The following HOMEZ variants were observed in gnomAD, a reference collection of about 807,000 sequenced individuals.
HOMEZ encodes homeobox and leucine zipper protein Homez.
Under a neutral mutation model 50.1 loss-of-function variants are expected in HOMEZ, and 20 were observed. The ratio of observed to expected loss-of-function variants is 0.40; its 90% CI spans 0.28 to 0.58. HOMEZ has a LOEUF of 0.58. Among genes scored for constraint, HOMEZ ranks in the 20% least tolerant of loss-of-function variants. The probability of loss-of-function intolerance (pLI) is 0.46; values close to 1 mark genes in which losing one functional copy is unlikely to be tolerated. For synonymous variants in HOMEZ, 239 were observed against 254.7 expected, an observed-to-expected ratio of 0.94 and a Z score of 0.59; for missense variants, 579 against 680.5, an observed-to-expected ratio of 0.85 and a Z score of 1.66.
In HOMEZ at chr14:23,272,577, G is replaced by C; in HGVS notation, c.*2998C>G. 2.0e-6 allele frequency: 1 copy of C among 504,118 alleles called. No homozygotes were observed. The highest frequency in any genetic ancestry group is 3.5e-6 in the Non-Finnish European group (1 of 282,878). 31.2% of individuals were successfully genotyped at this position (504,118 alleles called of 1,614,324 possible). A position where few individuals can be genotyped will look rare whatever the true frequency, so the allele number is the denominator to read the frequency against. On this transcript the variant is annotated 3_prime_UTR_variant, in exon 2 of 2. Coordinates refer to ENST00000357460, the MANE Select transcript of HOMEZ (RefSeq NM_020834.3). ...CATATGTCCCAGATTTTCCAAAATA[G>C]TTTAATTTTCAAATATTCATCCTTA...
At chr14:23,280,783 A>C (rs188425511) in intron 1 of HOMEZ, among the ~76,000 whole-genome samples, 51 of 104,308 alleles carry the variant, frequency 4.9e-4, no homozygotes, top group Non-Finnish European at 8.1e-4. Flanking sequence ...ATTTTATTTT[A>C]TTTTATTTGG....
At position 23,276,785 on chromosome 14, in the gene HOMEZ, G is replaced by A; in HGVS notation, c.443C>T (p.Pro148Leu). ...TGGAGGAGGAGGCACCTCCTCTGGG[G>A]GCCGTCCCGCATGATGAGTAAAAGA... ...LLSFTHHAGR[P>L]PEEVPPPPVP... The change falls in exon 2 of 2, where the codon CCC becomes CTC. Residue 148 changes from proline (P) to leucine (L), a missense_variant. Pro to Leu is a moderately conservative substitution (Grantham distance 98, BLOSUM62 -3). Transcript: ENST00000357460. This position sits in a 1 kb window ranked among gnomAD's most constrained non-coding sequence, Gnocchi z 4.1. The A allele has an allele frequency of 6.2e-7, 1 of 1,614,040 alleles. No homozygotes were observed. The highest frequency in any genetic ancestry group is 1.1e-5 in the South Asian group (1 of 91,084).
chr14:23,285,050 C>G (rs889824322), intron 1 of HOMEZ: 2 of 152,188 alleles, frequency 1.3e-5, no homozygotes, highest in African/African-American at 4.8e-5. Flanking sequence ...ATTGGGAACT[C>G]TGAACAGCAG....
chr14:23,279,540 T>C (rs1348746629), intron 1 of HOMEZ, among the ~76,000 whole-genome samples: 1 of 152,136 alleles, frequency 6.6e-6, no homozygotes, highest in Non-Finnish European at 1.5e-5. Flanking sequence ...GCAGAGCAGG[T>C]AATCGGAATG....
chr14:23,275,668 CTCCTCT>C lies in HOMEZ; in HGVS notation c.1554_1559del (p.Glu522_Glu523del), dbSNP rs1479690526. The C allele has an allele frequency of 3.2e-6, 5 of 1,578,254 alleles. No individual in the cohort carries two copies. The Admixed American group carries it at 7.5e-5, about 24-fold the overall frequency. ...CATCATCTTCTGGCAGTTCTTCCTC[CTCCTCT>C]TCCTCTTCTTCATCTAGACAAACTA... On this transcript the variant is annotated inframe_deletion, in exon 2 of 2. Coordinates refer to ENST00000357460, the MANE Select transcript of HOMEZ (RefSeq NM_020834.3).
chr14:23,283,130 G>A (rs1210661700), intron 1 of HOMEZ, among the ~76,000 whole-genome samples: 2 of 152,204 alleles, frequency 1.3e-5, no homozygotes, highest in Admixed American at 6.5e-5. Context: ...GAGTCCTAGC[G>A]CAGAGGAGGT....
In HOMEZ at chr14:23,286,079, G is replaced by A. The variant is rs1886659283; in HGVS notation, c.-127C>T. The A allele has an allele frequency of 8.1e-7, 1 of 1,230,660 alleles. No individual in the cohort carries two copies. Among genetic ancestry groups the A allele is most frequent in the South Asian group, 4.1e-5 (1 of 24,250 alleles). The allele number at this position is 1,230,660 out of a possible 1,614,324, so 76.2% of individuals were successfully genotyped here. ...CGGGACTGCCCCCCCCACCGTCCCC[G>A]GGAGCGCGCCGGTCTACCCAGCCCT... On this transcript the variant is annotated 5_prime_UTR_variant, in exon 1 of 2. Coordinates refer to ENST00000357460, the MANE Select transcript of HOMEZ (RefSeq NM_020834.3).
rs17128343 is a variant in HOMEZ at position 23,275,343 on chromosome 14, C to A, written c.*232G>T. On this transcript the variant is annotated 3_prime_UTR_variant, in exon 2 of 2. Transcript: ENST00000357460. ...TCCCCAGATCCTTAGCACTCCCTAC[C>A]CTAAGGTTAGAGGGTTGGATTTCTG... 11,644 of 555,682 alleles carry A rather than the reference C, an allele frequency of 0.021. 966 individuals are homozygous for A. Among genetic ancestry groups the A allele is most frequent in the African/African-American group, 0.19 (9,769 of 51,936 alleles). 34.4% of individuals were successfully genotyped at this position (555,682 alleles called of 1,614,324 possible). A position where few individuals can be genotyped will look rare whatever the true frequency, so the allele number is the denominator to read the frequency against.
intron 1 of HOMEZ, among the ~76,000 whole-genome samples, chr14:23,280,725 AT>A (rs1268590273): frequency 5.7e-4 from 39 of 68,688 alleles, no homozygotes; most frequent in African/African-American, 1.3e-3. Flanking sequence ...ATTTTATTTT[AT>A]TTTATTTTAT....
intron 1 of HOMEZ, among the ~76,000 whole-genome samples, chr14:23,282,716 T>C (rs965104141): frequency 6.6e-6 from 1 of 152,244 alleles, no homozygotes; most frequent in Non-Finnish European, 1.5e-5. Flanking sequence ...TTTATAAGTA[T>C]TAAAAGCTGT....
chr14:23,276,086 G>A lies in HOMEZ; in HGVS notation c.1142C>T (p.Ala381Val), dbSNP rs1689413502. Residue 381 changes from alanine to valine, a missense_variant, in exon 2 of 2, where the codon GCA becomes GTA. Transcript: ENST00000357460. This position sits in a 1 kb window ranked among gnomAD's most constrained non-coding sequence, Gnocchi z 4.1. ...TAACTTTTGGTAATCCTCACGCCGT[G>A]CCCACTGGCACTGTAAAAAAAAGGA... ...LKSFFLQCQWARREDYQKLEQ... is the reference protein window; with the variant it reads ...LKSFFLQCQWVRREDYQKLEQ... 1.2e-6 allele frequency: 2 copies of A among 1,614,004 alleles called. No individual in the cohort carries two copies. The highest frequency in any genetic ancestry group is 1.7e-6 in the Non-Finnish European group (2 of 1,179,888).
In HOMEZ at chr14:23,280,759, T is replaced by TTTTA. The variant is rs1491189999; in HGVS notation, c.41-3576_41-3573dup. On this transcript the variant is annotated intron_variant, in intron 1 of 1. Transcript: ENST00000357460. ...TATTTTATTATTTTATTTTATTTTA[T>TTTTA]TTTATTTTATTTTATTTTATTTTAT... 3.6e-3 allele frequency among the ~76,000 whole-genome samples: 324 copies of TTTTA among 89,780 alleles called. 17 individuals are homozygous for TTTTA. The South Asian group carries it at 0.053, about 15-fold the overall frequency. The allele number at this position is 89,780 out of a possible 152,430, so 58.9% of individuals were successfully genotyped here.
At position 23,276,658 on chromosome 14, in the gene HOMEZ, C is replaced by A; in HGVS notation, c.570G>T (p.Gln190His). ...GLKVEPEEPSQMPPLPQSHQK... is the reference protein window; with the variant it reads ...GLKVEPEEPSHMPPLPQSHQK... ...GGTGACTCTGTGGCAGTGGTGGCAT[C>A]TGAGAGGGCTCCTCAGGCTCTACCT... is the stretch of plus-strand genomic sequence containing the variant. Residue 190 changes from glutamine (Q) to histidine (H), a missense_variant, in exon 2 of 2, where the codon CAG becomes CAT. Transcript: ENST00000357460. The surrounding 1 kb of genome is among the most constrained non-coding windows in gnomAD (Gnocchi z 4.1). 1 of 1,614,040 alleles carries A rather than the reference C, an allele frequency of 6.2e-7. No homozygotes were observed. Among genetic ancestry groups the A allele is most frequent in the South Asian group, 1.1e-5 (1 of 91,090 alleles).
In HOMEZ at chr14:23,273,464, T is replaced by G. The variant is rs1004067718; in HGVS notation, c.*2111A>C. On this transcript the variant is annotated 3_prime_UTR_variant, in exon 2 of 2. Transcript: ENST00000357460. ...AGATAGTAAAATAAAGACGATGCCC[T>G]TTTATTGCTACAATTCTATCACTTT... 2 of 152,258 alleles carry G rather than the reference T, an allele frequency of 1.3e-5. No individual in the cohort carries two copies. Among genetic ancestry groups the G allele is most frequent in the Admixed American group, 1.3e-4 (2 of 15,286 alleles). 9.4% of individuals were successfully genotyped at this position (152,258 alleles called of 1,614,324 possible). A position where few individuals can be genotyped will look rare whatever the true frequency, so the allele number is the denominator to read the frequency against.
chr14:23,280,740 A>ATTTTATTTTATTTTATTTTATT lies in HOMEZ; in HGVS notation c.41-3554_41-3553insAATAAAATAAAATAAAATAAAA, dbSNP rs35341745. ...ATTTTATTTTATTTTATTTTATTTT[A>ATTTTATTTTATTTTATTTTATT]TTATTTTATTTTATTTTATTTTATT... is the stretch of plus-strand genomic sequence containing the variant. On this transcript the variant is annotated intron_variant, in intron 1 of 1. Coordinates refer to ENST00000357460, the MANE Select transcript of HOMEZ (RefSeq NM_020834.3). 7.0e-4 allele frequency among the ~76,000 whole-genome samples: 29 copies of ATTTTATTTTATTTTATTTTATT among 41,258 alleles called. 1 individual carries two copies. The highest frequency in any genetic ancestry group is 2.0e-3 in the East Asian group (3 of 1,470). 27.1% of individuals were successfully genotyped at this position (41,258 alleles called of 152,430 possible).
At position 23,276,325 on chromosome 14, in the gene HOMEZ, G is replaced by A. The variant is rs1161666507; in HGVS notation, c.903C>T (p.Ala301=). ...CTAGTGGCTGGAGGGGTTTAGAGGCGGCAGTAGCTCCATTAGCCAGTACCT... is the reference window on the plus strand; with the variant it reads ...CTAGTGGCTGGAGGGGTTTAGAGGCAGCAGTAGCTCCATTAGCCAGTACCT... ...SFQVLANGAT[A]ASKPLQPLGC... is the part of the protein sequence containing the mutation. The change falls in exon 2 of 2, where the codon GCC becomes GCT. Residue 301 remains alanine (A), a synonymous_variant. Coordinates refer to ENST00000357460, the MANE Select transcript of HOMEZ (RefSeq NM_020834.3). This position sits in a 1 kb window ranked among gnomAD's most constrained non-coding sequence, Gnocchi z 4.1. The A allele has an allele frequency of 8.1e-6, 13 of 1,613,836 alleles. No homozygotes were observed. The highest frequency in any genetic ancestry group is 1.7e-4 in the Middle Eastern group (1 of 6,058).
Position 23,279,544 on chromosome 14 carries a change from C to T in HOMEZ, c.41-2357G>A, listed in dbSNP as rs144347567. On this transcript the variant is annotated intron_variant, in intron 1 of 1. Transcript: ENST00000357460. ...AATGAGTCAGGGCAGAGCAGGTAAT[C>T]GGAATGAGTCAGGGTGGAGCAGGTG... Among the ~76,000 whole-genome samples the T allele has an allele frequency of 6.5e-3, 994 of 152,174 alleles. 8 individuals are homozygous for T. The highest frequency in any genetic ancestry group is 0.023 in the African/African-American group (958 of 41,500).
rs1300551971 is a variant in HOMEZ, at chr14:23,280,695, A to ATATT, written c.41-3509_41-3508insAATA. ...ATCACATCTGTTATATTTTATTTTT[A>ATATT]TTTTTATATTTTTATTTTTATTTTA... On this transcript the variant is annotated intron_variant, in intron 1 of 1. Coordinates refer to ENST00000357460, the MANE Select transcript of HOMEZ (RefSeq NM_020834.3). 3.3e-5 allele frequency among the ~76,000 whole-genome samples: 3 copies of ATATT among 90,558 alleles called. 1 individual carries two copies. In the Admixed American group the frequency reaches 3.7e-4, roughly 11 times the overall value. 59.4% of individuals were successfully genotyped at this position (90,558 alleles called of 152,430 possible).
Position 23,276,706 on chromosome 14 carries a change from C to T in HOMEZ, c.522G>A (p.Lys174=). The change falls in exon 2 of 2, where the codon AAG becomes AAA. Residue 174 remains lysine (K), a synonymous_variant. Transcript: ENST00000357460. The surrounding 1 kb of genome is among the most constrained non-coding windows in gnomAD (Gnocchi z 4.1). ...CCTTCAATCCTTTCGTCTGGGTAGG[C>T]TTGCTAAGAGTTGGAGGACCTATTC... ...GIGIGPPTLS[K]PTQTKGLKVE... is the part of the protein sequence containing the mutation. 2 of 1,614,012 alleles carry T rather than the reference C, an allele frequency of 1.2e-6. No homozygotes were observed. Among genetic ancestry groups the T allele is most frequent in the Non-Finnish European group, 1.7e-6 (2 of 1,179,894 alleles).
Sources: gnomAD v4.1 joint callset for allele counts (sites outside exome capture counted in the v4.1 genomes callset) on GRCh38, gnomAD v4.1.1 for gene constraint, Gnocchi (gnomAD v3.1) non-coding constraint, MANE v1.5 for transcripts, NCBI Gene and HGNC (gene_info 2026-07-23, HGNC 2026-07-21) for gene names.